The following COBL variants were observed in gnomAD, a reference collection of about 807,000 sequenced individuals.
The protein encoded by COBL is protein cordon-bleu.
Under a neutral mutation model 98.8 loss-of-function variants are expected in COBL, and 51 were observed. That is an observed-to-expected ratio of 0.52 (90% confidence interval 0.41 to 0.65). COBL has a LOEUF of 0.65. Ranked by LOEUF, COBL falls within the 30% of genes least tolerant of loss-of-function variation. The pLI, the probability that COBL is intolerant of heterozygous loss-of-function variation, is 0.00. For synonymous variants in COBL, 634 were observed against 651.7 expected, an observed-to-expected ratio of 0.97 and a Z score of 0.41; for missense variants, 1,617 against 1,617.5, an observed-to-expected ratio of 1.00 and a Z score of 0.01.
chr7:51,274,113 C>T (rs1319644708), intron 1 of COBL, among the ~76,000 whole-genome samples: 2 of 152,192 alleles, frequency 1.3e-5, no homozygotes, highest in Non-Finnish European at 2.9e-5. Context: ...CCCTCGCTCC[C>T]CTTCCCCAGC....
intron 1 of COBL, among the ~76,000 whole-genome samples, chr7:51,264,151 G>C (rs1797962190): frequency 6.6e-6 from 1 of 152,160 alleles, no homozygotes; most frequent in Non-Finnish European, 1.5e-5. Context: ...CAGCCCCCAA[G>C]CCTCAGAACT....
Position 51,294,251 on chromosome 7 carries a change from A to G in COBL, c.41+22342T>C, listed in dbSNP as rs147861705. Reference sequence around the variant, plus strand: ...GGCTGCACTGAGCAGAGATCATGCCACTGCACTCCAGCCTGGGCAACAGAG... The same window carrying G: ...GGCTGCACTGAGCAGAGATCATGCCGCTGCACTCCAGCCTGGGCAACAGAG... On this transcript the variant is annotated intron_variant, in intron 1 of 12. Transcript: ENST00000265136. 2.0e-4 allele frequency among the ~76,000 whole-genome samples: 31 copies of G among 151,826 alleles called. No homozygotes were observed. The Middle Eastern group carries it at 0.01, about 50-fold the overall frequency.
intron 1 of COBL, among the ~76,000 whole-genome samples, chr7:51,256,123 T>A (rs1797175303): frequency 6.6e-6 from 1 of 152,142 alleles, no homozygotes; most frequent in African/African-American, 2.4e-5. Context: ...TCGTAGCAGC[T>A]GCACTATCAA....
intron 5 of COBL, among the ~76,000 whole-genome samples, chr7:51,181,976 C>G (rs1191218194): frequency 6.6e-6 from 1 of 152,232 alleles, no homozygotes; most frequent in East Asian, 1.9e-4. Context: ...TCAGTCTCCA[C>G]ATCTCCAGCT....
intron 5 of COBL, among the ~76,000 whole-genome samples, chr7:51,181,539 C>T (rs1248046115): frequency 6.6e-6 from 1 of 152,218 alleles, no homozygotes; most frequent in Non-Finnish European, 1.5e-5. Context: ...GTCAGCCACA[C>T]CTTCTTCCTT....
Position 51,029,144 on chromosome 7 carries a change from A to G in COBL, c.1952T>C (p.Val651Ala), listed in dbSNP as rs752627587. The change falls in exon 10 of 13, where the codon GTG (valine) becomes GCG (alanine). Residue 651 changes from valine (V) to alanine (A), a missense_variant. Transcript: ENST00000265136. Reference sequence around the variant, plus strand: ...CCTCTCCCCGTCAGCACAGCCATACACTTTGTCTTTCACTTTTGCATTTAG... The same window carrying G: ...CCTCTCCCCGTCAGCACAGCCATACGCTTTGTCTTTCACTTTTGCATTTAG... ...DNLNAKVKDK[V>A]YGCADGERTQ... 1.9e-6 allele frequency: 3 copies of G among 1,614,026 alleles called. No homozygotes were observed.
chr7:51,217,983 A>G (rs1429403883), intron 2 of COBL, among the ~76,000 whole-genome samples: 1 of 152,154 alleles, frequency 6.6e-6, no homozygotes, highest in Non-Finnish European at 1.5e-5. Flanking sequence ...TCCACTGTAG[A>G]CAGTTAATTG....
At chr7:51,098,176 C>A (rs576541802) in intron 6 of COBL, among the ~76,000 whole-genome samples, 1 of 145,322 alleles carries the variant, frequency 6.9e-6, no homozygotes, top group Admixed American at 6.9e-5. Flanking sequence ...CTACCCAAAA[C>A]AATCTATACA....
At chr7:51,127,433 T>C (rs1798317367) in intron 6 of COBL, among the ~76,000 whole-genome samples, 1 of 151,990 alleles carries the variant, frequency 6.6e-6, no homozygotes, top group African/African-American at 2.4e-5. Context: ...AAACCAAGAG[T>C]ATTTTTCCCT....
chr7:51,162,188 C>G (rs1375349250), intron 5 of COBL, among the ~76,000 whole-genome samples: 1 of 152,176 alleles, frequency 6.6e-6, no homozygotes, highest in Non-Finnish European at 1.5e-5. Flanking sequence ...TTCACAGCTA[C>G]ACAGGCTGAG....
At chr7:51,070,277 A>C (rs1792391516) in intron 7 of COBL, among the ~76,000 whole-genome samples, 1 of 152,156 alleles carries the variant, frequency 6.6e-6, no homozygotes, top group Admixed American at 6.5e-5. Flanking sequence ...GTCTTCACTG[A>C]AGTGTTTGAA....
At chr7:51,288,634 A>G (rs1800598096) in intron 1 of COBL, among the ~76,000 whole-genome samples, 1 of 151,202 alleles carries the variant, frequency 6.6e-6, no homozygotes, top group Non-Finnish European at 1.5e-5. Flanking sequence ...GGTGCCTGTA[A>G]TCCCAGCTAC....
chr7:51,305,107 ATC>A (rs1039780485), intron 1 of COBL, among the ~76,000 whole-genome samples: 21 of 152,228 alleles, frequency 1.4e-4, no homozygotes, highest in African/African-American at 4.8e-4. Flanking sequence ...CTTGTGGAAA[ATC>A]TGTTTCAATT....
At chr7:51,190,742 T>A (rs1790024540) in intron 4 of COBL, 108 bp downstream of exon 4, 5 of 838,110 alleles carry the variant, frequency 6.0e-6, no homozygotes, top group South Asian at 5.1e-5. Flanking sequence ...CATGTACCCA[T>A]CTCTCCCTGG....
In COBL at chr7:51,029,355, G is replaced by A. The variant is rs1252274102; in HGVS notation, c.1741C>T (p.Pro581Ser). 1.2e-6 allele frequency: 2 copies of A among 1,605,676 alleles called. No homozygotes were observed. Among genetic ancestry groups the A allele is most frequent in the East Asian group, 2.2e-5 (1 of 44,760 alleles). The change falls in exon 10 of 13, where the codon CCA (proline) becomes TCA (serine). Residue 581 changes from proline to serine, a missense_variant. Around this residue, in one of 3 missense-constraint regions of COBL, gnomAD observed 1,304 missense variants for 1,282.0 expected, o/e 1.02. Transcript: ENST00000265136. ...GGCTGGCTGTGCTCAGCTTGAAGTG[G>A]CGCCAGGGAGTCTCTCCTGCTGGCA... is the stretch of plus-strand genomic sequence containing the variant. ...GVASRRDSLA[P>S]LQAEHSQPHE...
chr7:51,216,793 C>A (rs542345583), intron 2 of COBL, among the ~76,000 whole-genome samples: 2 of 152,290 alleles, frequency 1.3e-5, no homozygotes, highest in African/African-American at 4.8e-5. Context: ...CTATAAATTA[C>A]AAACTCCTTG....
intron 5 of COBL, among the ~76,000 whole-genome samples, chr7:51,174,110 T>C (rs1788134974): frequency 6.6e-6 from 1 of 152,218 alleles, no homozygotes; most frequent in Non-Finnish European, 1.5e-5. Context: ...ATCCTTTTTC[T>C]TGATAAAGAA....
At chr7:51,221,116 T>G (rs1276199797) in intron 1 of COBL, among the ~76,000 whole-genome samples, 1 of 152,130 alleles carries the variant, frequency 6.6e-6, no homozygotes, top group East Asian at 1.9e-4. Context: ...CATACAATTA[T>G]CCGGTGCCTG....
At chr7:51,298,672 T>C (rs1423472058) in intron 1 of COBL, among the ~76,000 whole-genome samples, 1 of 152,196 alleles carries the variant, frequency 6.6e-6, no homozygotes, top group Non-Finnish European at 1.5e-5. Flanking sequence ...AATACACAGA[T>C]GTTGGGACTC....
Sources: gnomAD v4.1 joint callset for allele counts (sites outside exome capture counted in the v4.1 genomes callset) on GRCh38, gnomAD v4.1.1 for gene constraint, gnomAD v4.1.1 regional missense constraint, MANE v1.5 for transcripts, NCBI Gene and HGNC (gene_info 2026-07-23, HGNC 2026-07-21) for gene names.